PRELID2: variants seen among roughly 807,000 people sequenced by gnomAD.
PRELID2 encodes PRELI domain-containing protein 2.
PRELID2 carries 25 observed loss-of-function variants against 28.4 expected under a neutral mutation model. The observed-to-expected ratio is 0.88, with a 90% CI of 0.64 to 1.23. The LOEUF is 1.23. Among genes scored for constraint, PRELID2 ranks in the 50% most tolerant of loss-of-function variants. The pLI, the probability that PRELID2 is intolerant of heterozygous loss-of-function variation, is 0.00. For missense variants in PRELID2, 201 were observed against 214.4 expected (o/e 0.94, Z 0.39); for synonymous variants, 76 against 71.6 (o/e 1.06, Z -0.31).
chr5:145,529,691 T>C lies in PRELID2; in HGVS notation n.71-56376A>G, dbSNP rs187522031. ...ATAAGGCTGACATTGTAGTGACAGA[T>C]ACAAACAGTAAACACACACAAACAA... On this transcript the variant is annotated intron_variant and non_coding_transcript_variant, in intron 1 of 2. Transcript: ENST00000510259. Among the ~76,000 whole-genome samples, 268 of 152,078 alleles carry C rather than the reference T, an allele frequency of 1.8e-3. 8 individuals carry two copies. The highest frequency in any genetic ancestry group is 0.018 in the Admixed American group (268 of 15,260).
chr5:145,255,831 T>G, the PRELID2 span, among the ~76,000 whole-genome samples: 1 of 149,296 alleles, frequency 6.7e-6, no homozygotes, highest in Admixed American at 6.7e-5. Flanking sequence ...AGAGTAAAAA[T>G]AATAGAACAT....
chr5:145,683,008 G>A (rs917057782), intron 1 of PRELID2, among the ~76,000 whole-genome samples: 8 of 152,136 alleles, frequency 5.3e-5, no homozygotes, highest in Admixed American at 5.2e-4. Context: ...TGTAGCTCAT[G>A]CTCCAAAGGG....
At chr5:145,826,155 C>G in intron 1 of PRELID2, 1 of 985,436 alleles carries the variant, frequency 1.0e-6, no homozygotes, top group Non-Finnish European at 1.2e-6. Context: ...CCTAGAGAAG[C>G]TGCCATGCGC....
the PRELID2 span, among the ~76,000 whole-genome samples, chr5:145,451,888 A>G: frequency 1.3e-5 from 2 of 152,174 alleles, no homozygotes; most frequent in Non-Finnish European, 2.9e-5. Context: ...GGGGTAGGTA[A>G]GGGGCCGGGA....
chr5:145,727,336 G>T (rs555621296), intron 1 of PRELID2, among the ~76,000 whole-genome samples: 1 of 152,094 alleles, frequency 6.6e-6, no homozygotes, highest in African/African-American at 2.4e-5. Flanking sequence ...ATTATGGTGC[G>T]TCAGGGTAGC....
At chr5:145,577,495 T>C (rs1402710639) in intron 1 of PRELID2, among the ~76,000 whole-genome samples, 1 of 151,272 alleles carries the variant, frequency 6.6e-6, no homozygotes, top group Non-Finnish European at 1.5e-5. Context: ...AATAGTAAAA[T>C]AGGTCTGGCA....
rs996494739 is a variant in PRELID2 at position 145,661,492 on chromosome 5, G to A, written n.70+103439C>T. On this transcript the variant is annotated intron_variant and non_coding_transcript_variant, in intron 1 of 2. Transcript: ENST00000510259. Reference sequence around the variant, plus strand: ...ATCATTTGACAGCTCACTTCTGCTAGGGATGCTGGCTGAGATCCACTGCCT... The same window carrying A: ...ATCATTTGACAGCTCACTTCTGCTAAGGATGCTGGCTGAGATCCACTGCCT... Among the ~76,000 whole-genome samples, 15 of 151,920 alleles carry A rather than the reference G, an allele frequency of 9.9e-5. 1 individual carries two copies. The highest frequency in any genetic ancestry group is 9.9e-4 in the Admixed American group (15 of 15,208).
intron 1 of PRELID2, among the ~76,000 whole-genome samples, chr5:145,663,172 C>G (rs1754526919): frequency 6.6e-6 from 1 of 152,080 alleles, no homozygotes; most frequent in South Asian, 2.1e-4. Context: ...GAGTTACCTT[C>G]TAGCTAGAGA....
the PRELID2 span, among the ~76,000 whole-genome samples, chr5:145,363,033 T>C: frequency 6.8e-6 from 1 of 146,042 alleles, no homozygotes; most frequent in Admixed American, 7.0e-5. Flanking sequence ...TTTTTTCTTC[T>C]CCACCATAGA....
At chr5:145,753,059 G>A (rs189912474), downstream of PRELID2, among the ~76,000 whole-genome samples, 5 of 152,314 alleles carry the variant, frequency 3.3e-5, no homozygotes, top group East Asian at 5.8e-4. Flanking sequence ...GGCCAAGTTC[G>A]CATTTTCTCC....
At chr5:145,395,590 C>T in the PRELID2 span, among the ~76,000 whole-genome samples, 1 of 152,118 alleles carries the variant, frequency 6.6e-6, no homozygotes, top group East Asian at 1.9e-4. Flanking sequence ...TTCTAACAAC[C>T]TTGTTGCGTG....
At chr5:145,738,469 A>T (rs1756558512) in intron 1 of PRELID2, among the ~76,000 whole-genome samples, 1 of 152,176 alleles carries the variant, frequency 6.6e-6, no homozygotes, top group Non-Finnish European at 1.5e-5. Flanking sequence ...GAAAGTAGAA[A>T]ATGTGAGCAA....
the PRELID2 span, among the ~76,000 whole-genome samples, chr5:145,235,446 T>TC: frequency 3.3e-5 from 5 of 152,290 alleles, no homozygotes; most frequent in East Asian, 9.6e-4. Context: ...AGTGCTGAAG[T>TC]CAGCTACTGC....
intron 1 of PRELID2, among the ~76,000 whole-genome samples, chr5:145,708,930 A>G (rs561652843): frequency 5.1e-4 from 77 of 152,320 alleles, no homozygotes; most frequent in African/African-American, 1.3e-3. Context: ...CATCAAAGAC[A>G]CTGTCTACAG....
At chr5:145,572,812 C>G (rs1753025785) in intron 1 of PRELID2, among the ~76,000 whole-genome samples, 1 of 152,086 alleles carries the variant, frequency 6.6e-6, no homozygotes, top group South Asian at 2.1e-4. Context: ...GTGAGGTATT[C>G]CCATTCGGTC....
chr5:145,594,077 A>G lies in PRELID2; in HGVS notation n.71-120762T>C, dbSNP rs147032171. ...TTTCAAATTAATTGGGGTATTGTTT[A>G]GTGAATGGGGTATATAGGAAAGATG... On this transcript the variant is annotated intron_variant and non_coding_transcript_variant, in intron 1 of 2. Transcript: ENST00000510259. Among the ~76,000 whole-genome samples the G allele has an allele frequency of 1.3e-3, 196 of 152,300 alleles. 2 individuals are homozygous for G. The highest frequency in any genetic ancestry group is 4.6e-3 in the African/African-American group (192 of 41,584).
the PRELID2 span, among the ~76,000 whole-genome samples, chr5:145,257,425 A>T: frequency 2.0e-5 from 3 of 147,572 alleles, no homozygotes; most frequent in African/African-American, 8.0e-5. Flanking sequence ...ATATTTTAAA[A>T]TAATTTATGC....
chr5:145,258,564 A>G, the PRELID2 span, among the ~76,000 whole-genome samples: 1 of 152,236 alleles, frequency 6.6e-6, no homozygotes, highest in Non-Finnish European at 1.5e-5. Context: ...CTCAAGAGTC[A>G]TAATTTAGGG....
At chr5:145,263,659 C>A in the PRELID2 span, among the ~76,000 whole-genome samples, 4 of 151,980 alleles carry the variant, frequency 2.6e-5, no homozygotes, top group Admixed American at 6.6e-5. Context: ...GATATTACAA[C>A]CAATACCATA....
Sources: gnomAD v4.1 joint callset for allele counts (sites outside exome capture counted in the v4.1 genomes callset) on GRCh38, gnomAD v4.1.1 for gene constraint, MANE v1.5 for transcripts, NCBI Gene and HGNC (gene_info 2026-07-23, HGNC 2026-07-21) for gene names.